The following FZD7 variants were observed in gnomAD, a reference collection of about 807,000 sequenced individuals.
The protein encoded by FZD7 is frizzled class receptor 7.
Under a neutral mutation model 39.0 loss-of-function variants are expected in FZD7, and 21 were observed. That is an observed-to-expected ratio of 0.54 (90% CI 0.38 to 0.78). The LOEUF (loss-of-function observed/expected upper bound fraction) is 0.78, where lower values mean the gene tolerates loss of function less well. Ranked by LOEUF, FZD7 falls within the 30% of genes least tolerant of loss-of-function variation. FZD7 has a pLI of 0.00. For missense variants in FZD7, 695 were observed against 805.0 expected (o/e 0.86, Z 1.65); for synonymous variants, 428 against 364.9 (o/e 1.17, Z -1.97).
chr2:202,035,275 T>G lies in FZD7; in HGVS notation c.628T>G (p.Cys210Gly), dbSNP rs1308072780. ...GGGGCGTCCCGCCTTCCCCTTCTCATGCCCCCGTCAGCTCAAGGTGCCCCC... is the reference window on the plus strand; with the variant it reads ...GGGGCGTCCCGCCTTCCCCTTCTCAGGCCCCCGTCAGCTCAAGGTGCCCCC... ...GRGRPAFPFS[C>G]PRQLKVPPYL... is the part of the protein sequence containing the mutation. Residue 210 changes from cysteine to glycine, a missense_variant, in exon 1 of 1, where the codon TGC becomes GGC. By Grantham distance (159) the Cys-to-Gly change is radical. Transcript: ENST00000286201. The G allele has an allele frequency of 6.2e-7, 1 of 1,605,754 alleles. No homozygotes were observed. Among genetic ancestry groups the G allele is most frequent in the Non-Finnish European group, 8.5e-7 (1 of 1,179,164 alleles).
In FZD7 at chr2:202,035,540, T is replaced by C. The variant is rs1159226499; in HGVS notation, c.893T>C (p.Met298Thr). 6.2e-7 allele frequency: 1 copy of C among 1,614,176 alleles called. No individual in the cohort carries two copies. Among genetic ancestry groups the C allele is most frequent in the Admixed American group, 1.7e-5 (1 of 60,036 alleles). ...ATCTTCCTGTCGGGCTGCTACTTCA[T>C]GGTGGCCGTGGCGCACGTGGCCGGC... The part of the protein sequence containing the change: ...PIIFLSGCYF[M>T]VAVAHVAGFL... Residue 298 changes from methionine (M) to threonine (T), a missense_variant, in exon 1 of 1, where the codon ATG becomes ACG. Coordinates refer to ENST00000286201, the MANE Select transcript of FZD7 (RefSeq NM_003507.2).
At position 202,034,719 on chromosome 2, in the gene FZD7, C is replaced by T. The variant is rs200246490; in HGVS notation, c.72C>T (p.Gly24=). ...GLCALVLALL[G]ALSAGAGAQP... ...GTGCCCTGGTGCTGGCGCTGCTGGG[C>T]GCACTGTCCGCGGGCGCCGGGGCGC... The change falls in exon 1 of 1, where the codon GGC becomes GGT. Residue 24 remains glycine, a synonymous_variant. Coordinates refer to ENST00000286201, the MANE Select transcript of FZD7 (RefSeq NM_003507.2). 3.1e-6 allele frequency: 5 copies of T among 1,610,806 alleles called. No individual in the cohort carries two copies. In the African/African-American group the frequency reaches 4.0e-5, roughly 13 times the overall value.
chr2:202,035,614 G>A lies in FZD7; in HGVS notation c.967G>A (p.Gly323Ser). 1.9e-6 allele frequency: 3 copies of A among 1,614,192 alleles called. No homozygotes were observed. Among genetic ancestry groups the A allele is most frequent in the Non-Finnish European group, 2.5e-6 (3 of 1,180,042 alleles). The part of the protein sequence containing the change: ...AVCVERFSDD[G>S]YRTVAQGTKK... Reference sequence around the variant, plus strand: ...GTGCGTGGAGCGCTTCTCGGACGATGGCTACCGCACGGTGGCGCAGGGCAC... The same window carrying A: ...GTGCGTGGAGCGCTTCTCGGACGATAGCTACCGCACGGTGGCGCAGGGCAC... The change falls in exon 1 of 1, where the codon GGC (glycine) becomes AGC (serine). Residue 323 changes from glycine to serine, a missense_variant. Gly to Ser is a moderately conservative substitution (Grantham distance 56). Transcript: ENST00000286201.
rs1318960851 is a variant in FZD7, at chr2:202,034,378, G to A, written c.-270G>A. 1.3e-5 allele frequency among the ~76,000 whole-genome samples: 2 copies of A among 151,702 alleles called. No individual in the cohort carries two copies. The highest frequency in any genetic ancestry group is 3.9e-4 in the East Asian group (2 of 5,150). ...ACCGTTACGTCCCCGCGGGGAGAGC[G>A]AGGCGGCCCTCCTCGGCGCCCCCAA... On this transcript the variant is annotated 5_prime_UTR_variant, in exon 1 of 1. Transcript: ENST00000286201.
Position 202,036,113 on chromosome 2 carries a change from A to G in FZD7, c.1466A>G (p.Tyr489Cys), listed in dbSNP as rs1284972017. 1 of 1,613,662 alleles carries G rather than the reference A, an allele frequency of 6.2e-7. No homozygotes were observed. Among genetic ancestry groups the G allele is most frequent in the Non-Finnish European group, 8.5e-7 (1 of 1,180,010 alleles). ...CCCGCCACCATCGTCCTGGCCTGCT[A>G]CTTCTACGAGCAGGCCTTCCGCGAG... ...TVPATIVLAC[Y>C]FYEQAFREHW... Residue 489 changes from tyrosine to cysteine, a missense_variant, in exon 1 of 1, where the codon TAC (tyrosine) becomes TGC (cysteine). By Grantham distance (194) the Tyr-to-Cys change is radical. Transcript: ENST00000286201.
chr2:202,033,878 GGGCGGCGGC>G lies in FZD7; in HGVS notation c.-752_-744del, dbSNP rs565338234. Among the ~76,000 whole-genome samples, 177 of 150,532 alleles carry G rather than the reference GGGCGGCGGC, an allele frequency of 1.2e-3. No individual in the cohort carries two copies. The highest frequency in any genetic ancestry group is 3.4e-3 in the Middle Eastern group (1 of 290). On this transcript the variant is annotated 5_prime_UTR_variant, in exon 1 of 1. Coordinates refer to ENST00000286201, the MANE Select transcript of FZD7 (RefSeq NM_003507.2). ...GCGTTAGTCGGCGCTCACTCCCGGC[GGGCGGCGGC>G]GGCGGCGGCGGCGGCGGGCGCCAGG...
Position 202,035,276 on chromosome 2 carries a change from G to GC in FZD7, c.634dup (p.Arg212ProfsTer16). ...GGGCGTCCCGCCTTCCCCTTCTCAT[G>GC]CCCCCGTCAGCTCAAGGTGCCCCCG... On this transcript the variant is annotated frameshift_variant, in exon 1 of 1. Coordinates refer to ENST00000286201, the MANE Select transcript of FZD7 (RefSeq NM_003507.2). LOFTEE classifies it high-confidence loss of function. The GC allele has an allele frequency of 6.2e-7, 1 of 1,605,558 alleles. No individual in the cohort carries two copies.
In FZD7 at chr2:202,036,204, C is replaced by G. The variant is rs775255613; in HGVS notation, c.1557C>G (p.His519Gln). ...KSYAVPCPPG[H>Q]FPPMSPDFTV... ...ATGCCGTGCCCTGCCCGCCCGGCCA[C>G]TTCCCGCCCATGAGCCCCGACTTCA... The change falls in exon 1 of 1, where the codon CAC (histidine) becomes CAG (glutamine). Residue 519 changes from histidine (H) to glutamine (Q), a missense_variant. Coordinates refer to ENST00000286201, the MANE Select transcript of FZD7 (RefSeq NM_003507.2). 6.2e-7 allele frequency: 1 copy of G among 1,613,702 alleles called. No homozygotes were observed. The highest frequency in any genetic ancestry group is 1.3e-5 in the African/African-American group (1 of 75,054).
rs1432750092 is a variant in FZD7 at position 202,035,180 on chromosome 2, C to T, written c.533C>T (p.Ala178Val). ...GSGGPGGGPTAYPTAPYLPDL... is the reference protein window; with the variant it reads ...GSGGPGGGPTVYPTAPYLPDL... ...GGGGGCCCAGGCGGCGGCCCCACTG[C>T]CTACCCTACCGCGCCCTACCTGCCG... is the stretch of plus-strand genomic sequence containing the variant. The change falls in exon 1 of 1, where the codon GCC (alanine) becomes GTC (valine). Residue 178 changes from alanine (A) to valine (V), a missense_variant. By Grantham distance (64) the Ala-to-Val change is moderately conservative. Transcript: ENST00000286201. 2 of 1,600,578 alleles carry T rather than the reference C, an allele frequency of 1.2e-6. No homozygotes were observed. Among genetic ancestry groups the T allele is most frequent in the African/African-American group, 1.3e-5 (1 of 75,044 alleles).
rs1325785085 is a variant in FZD7 at position 202,036,778 on chromosome 2, C to T, written c.*406C>T. ...GCCTGTCCAGACCCCTGTGAGGCCCCGGGAAAGGTACAGCCCTGTCTGCGG... is the reference window on the plus strand; with the variant it reads ...GCCTGTCCAGACCCCTGTGAGGCCCTGGGAAAGGTACAGCCCTGTCTGCGG... On this transcript the variant is annotated 3_prime_UTR_variant, in exon 1 of 1. Transcript: ENST00000286201. 4 of 203,890 alleles carry T rather than the reference C, an allele frequency of 2.0e-5. No homozygotes were observed. The South Asian group carries it at 4.5e-4, about 23-fold the overall frequency. 12.6% of individuals were successfully genotyped at this position (203,890 alleles called of 1,614,324 possible). A position where few individuals can be genotyped will look rare whatever the true frequency, so the allele number is the denominator to read the frequency against.
rs1479614729 is a variant in FZD7, at chr2:202,037,558, C to CT, written c.*1187dup. The CT allele has an allele frequency of 1.8e-5, 3 of 166,942 alleles. No homozygotes were observed. The highest frequency in any genetic ancestry group is 4.4e-5 in the Non-Finnish European group (3 of 68,104). 10.3% of individuals were successfully genotyped at this position (166,942 alleles called of 1,614,324 possible). On this transcript the variant is annotated 3_prime_UTR_variant, in exon 1 of 1. Coordinates refer to ENST00000286201, the MANE Select transcript of FZD7 (RefSeq NM_003507.2). Reference sequence around the variant, plus strand: ...CTCTCCCTTCATTTACTTTTTCTTGCTATAAGCCTATATTTAGGTTTCTTT... The same window carrying CT: ...CTCTCCCTTCATTTACTTTTTCTTGCTTATAAGCCTATATTTAGGTTTCTTT...
chr2:202,034,634 A>C lies in FZD7; in HGVS notation c.-14A>C. ...CTCCTCAGGCTGAGAGCACCGCTGC[A>C]CTCGCGGCCGGCGATGCGGGACCCC... On this transcript the variant is annotated 5_prime_UTR_variant, in exon 1 of 1. Transcript: ENST00000286201. 2 of 1,538,062 alleles carry C rather than the reference A, an allele frequency of 1.3e-6. No homozygotes were observed. Among genetic ancestry groups the C allele is most frequent in the Non-Finnish European group, 1.7e-6 (2 of 1,154,616 alleles).
At position 202,034,065 on chromosome 2, in the gene FZD7, C is replaced by T. The variant is rs1688689506; in HGVS notation, c.-583C>T. 6.6e-6 allele frequency among the ~76,000 whole-genome samples: 1 copy of T among 151,946 alleles called. No individual in the cohort carries two copies. Among genetic ancestry groups the T allele is most frequent in the African/African-American group, 2.4e-5 (1 of 41,416 alleles). On this transcript the variant is annotated 5_prime_UTR_variant, in exon 1 of 1. Transcript: ENST00000286201. The stretch of plus-strand genomic sequence containing the variant: ...CGAGATCGGACTCAGCAAGAGCCGG[C>T]CGTTTGGCTGAAACTTGGGGCCGAG...
rs370735894 is a variant in FZD7 at position 202,035,734 on chromosome 2, C to T, written c.1087C>T (p.Leu363=). The change falls in exon 1 of 1, where the codon CTG becomes TTG. Residue 363 remains leucine (L), a synonymous_variant. Coordinates refer to ENST00000286201, the MANE Select transcript of FZD7 (RefSeq NM_003507.2). ...GGTCATTCTGTCTCTCACTTGGTTC[C>T]TGGCGGCCGGCATGAAGTGGGGCCA... ...WWVILSLTWF[L]AAGMKWGHEA... is the part of the protein sequence containing the mutation. The T allele has an allele frequency of 1.1e-5, 17 of 1,613,934 alleles. No individual in the cohort carries two copies. Among genetic ancestry groups the T allele is most frequent in the Non-Finnish European group, 1.4e-5 (16 of 1,180,044 alleles).
Position 202,036,133 on chromosome 2 carries a change from C to G in FZD7, c.1486C>G (p.Arg496Gly). 6.2e-7 allele frequency: 1 copy of G among 1,613,782 alleles called. No homozygotes were observed. Among genetic ancestry groups the G allele is most frequent in the Non-Finnish European group, 8.5e-7 (1 of 1,180,038 alleles). ...LACYFYEQAF[R>G]EHWERTWLLQ... ...CTGCTACTTCTACGAGCAGGCCTTC[C>G]GCGAGCACTGGGAGCGCACCTGGCT... Residue 496 changes from arginine to glycine, a missense_variant, in exon 1 of 1, where the codon CGC (arginine) becomes GGC (glycine). Physicochemically the swap from Arg to Gly is moderately radical, Grantham distance 125 (BLOSUM62 -2). Coordinates refer to ENST00000286201, the MANE Select transcript of FZD7 (RefSeq NM_003507.2).
Position 202,036,054 on chromosome 2 carries a change from G to A in FZD7, c.1407G>A (p.Val469=). 6.2e-7 allele frequency: 1 copy of A among 1,613,562 alleles called. No individual in the cohort carries two copies. Among genetic ancestry groups the A allele is most frequent in the Non-Finnish European group, 8.5e-7 (1 of 1,179,882 alleles). The change falls in exon 1 of 1, where the codon GTG becomes GTA. Residue 469 remains valine (V), a synonymous_variant. Transcript: ENST00000286201. The stretch of plus-strand genomic sequence containing the variant: ...CCGAGAAGCTGGAGAAGCTCATGGT[G>A]CGCATCGGCGTCTTCAGCGTGCTCT... ...TKTEKLEKLM[V]RIGVFSVLYT... is the part of the protein sequence containing the mutation.
rs565338234 is a variant in FZD7 at position 202,033,878 on chromosome 2, GGGCGGCGGCGGC to G, written c.-755_-744del. ...GCGTTAGTCGGCGCTCACTCCCGGC[GGGCGGCGGCGGC>G]GGCGGCGGCGGCGGGCGCCAGGACT... On this transcript the variant is annotated 5_prime_UTR_variant, in exon 1 of 1. Transcript: ENST00000286201. Among the ~76,000 whole-genome samples the G allele has an allele frequency of 1.9e-4, 28 of 150,534 alleles. No homozygotes were observed. The highest frequency in any genetic ancestry group is 5.8e-4 in the African/African-American group (24 of 41,158).
rs1360739828 is a variant in FZD7 at position 202,037,810 on chromosome 2, G to T, written c.*1438G>T. 6.0e-6 allele frequency: 1 copy of T among 167,028 alleles called. No homozygotes were observed. The highest frequency in any genetic ancestry group is 1.9e-4 in the East Asian group (1 of 5,200). The allele number at this position is 167,028 out of a possible 1,614,324, so 10.3% of individuals were successfully genotyped here. A position where few individuals can be genotyped will look rare whatever the true frequency, so the allele number is the denominator to read the frequency against. On this transcript the variant is annotated 3_prime_UTR_variant, in exon 1 of 1. Transcript: ENST00000286201. Reference sequence around the variant, plus strand: ...CCATAGTGAACGAAGAGGAAGGTTTGAACCATGGGCCCCATCTTTAAAGAA... The same window carrying T: ...CCATAGTGAACGAAGAGGAAGGTTTTAACCATGGGCCCCATCTTTAAAGAA...
At position 202,038,083 on chromosome 2, in the gene FZD7, G is replaced by GTA. The variant is rs576674134; in HGVS notation, c.*1712_*1713dup. The GTA allele has an allele frequency of 1.2e-5, 2 of 166,984 alleles. No individual in the cohort carries two copies. The highest frequency in any genetic ancestry group is 2.9e-5 in the Non-Finnish European group (2 of 68,118). The allele number at this position is 166,984 out of a possible 1,614,324, so 10.3% of individuals were successfully genotyped here. On this transcript the variant is annotated 3_prime_UTR_variant, in exon 1 of 1. Coordinates refer to ENST00000286201, the MANE Select transcript of FZD7 (RefSeq NM_003507.2). ...AGTTTTTAAATGCCAATCATAGAGG[G>GTA]TACTGTAAAGTGTACAAGTTACTTT... is the stretch of plus-strand genomic sequence containing the variant.
Sources: allele counts gnomAD v4.1 joint callset (sites outside exome capture counted in the v4.1 genomes callset), GRCh38; gene constraint gnomAD v4.1.1; transcripts MANE v1.5; gene names NCBI Gene and HGNC (gene_info 2026-07-23, HGNC 2026-07-21).